The following BRD1 variants were observed in gnomAD, a reference collection of about 807,000 sequenced individuals.
BRD1 encodes the protein bromodomain containing 1.
Under a neutral mutation model 107.7 loss-of-function variants are expected in BRD1, and 24 were observed. That is an observed-to-expected ratio of 0.22 (90% CI 0.16 to 0.31). The LOEUF is 0.31. Among genes scored for constraint, BRD1 ranks in the 10% least tolerant of loss-of-function variants. The pLI, the probability that BRD1 is intolerant of heterozygous loss-of-function variation, is 1.00. For synonymous variants in BRD1, 744 were observed against 686.1 expected (o/e 1.08, Z -1.32); for missense variants, 1,279 against 1,638.6 (o/e 0.78, Z 3.79).
At chr22:49,794,374 T>C (rs1446968597) in intron 6 of BRD1, 80 bp from the exon 7 acceptor site, 4 of 1,524,852 alleles carry the variant, frequency 2.6e-6, no homozygotes, top group Non-Finnish European at 3.5e-6. Flanking sequence ...GTCTTTCAAA[T>C]CACCTTCGGC....
At chr22:49,782,510 T>C (rs1018946028) in intron 8 of BRD1, among the ~76,000 whole-genome samples, 2 of 124,468 alleles carry the variant, frequency 1.6e-5, no homozygotes, top group African/African-American at 6.3e-5. Context: ...TGCTGGGACC[T>C]GCTCCATGAC....
intron 3 of BRD1, among the ~76,000 whole-genome samples, chr22:49,802,048 T>A (rs925701103): frequency 6.6e-6 from 1 of 152,364 alleles, no homozygotes; most frequent in Non-Finnish European, 1.5e-5. Context: ...TACCTGGAGT[T>A]CTGTCCAGCC....
At chr22:49,784,396 G>A (rs911206293) in intron 8 of BRD1, among the ~76,000 whole-genome samples, 10 of 152,234 alleles carry the variant, frequency 6.6e-5, no homozygotes, top group Non-Finnish European at 1.0e-4. Context: ...GTGGAAGGCC[G>A]CTTCAGGTGA....
At chr22:49,817,328 GGCA>G (rs2059972882) in intron 2 of BRD1, 1 of 199,100 alleles carries the variant, frequency 5.0e-6, no homozygotes, top group African/African-American at 2.4e-5. Context: ...AATAAAAAGA[GGCA>G]GCAGAAGGAA....
At chr22:49,777,554 C>A in intron 9 of BRD1, 124 bp downstream of exon 9, 1 of 1,384,022 alleles carries the variant, frequency 7.2e-7, no homozygotes, top group Non-Finnish European at 9.8e-7. Flanking sequence ...CACATGAATC[C>A]CAGGCCAGAA....
At position 49,803,477 on chromosome 22, in the gene BRD1, G is replaced by C. The variant is rs531058304; in HGVS notation, c.1524+727C>G. ...GCAGAGGGCGCTGGCCGCAGGTCCT[G>C]GGCCGTGTGCAGAGCTGCTTGTGTT... On this transcript the variant is annotated intron_variant, in intron 3 of 12. Transcript: ENST00000404760. The surrounding 1 kb of genome is among the most constrained non-coding windows in gnomAD (Gnocchi z 4.4). Among the ~76,000 whole-genome samples, 1 of 152,378 alleles carries C rather than the reference G, an allele frequency of 6.6e-6. No homozygotes were observed. The highest frequency in any genetic ancestry group is 2.1e-4 in the South Asian group (1 of 4,832).
Position 49,823,230 on chromosome 22 carries a change from T to A in BRD1, c.1088A>T (p.Lys363Ile). 6.2e-7 allele frequency: 1 copy of A among 1,614,206 alleles called. No individual in the cohort carries two copies. Among genetic ancestry groups the A allele is most frequent in the Middle Eastern group, 1.6e-4 (1 of 6,062 alleles). ...TCAQKAGLYM[K>I]MEPVKELTGG... ...AGTCAGTTCCTTCACGGGCTCCATT[T>A]TCATGTACAGGCCAGCCTTCTGGGC... The change falls in exon 2 of 13, where the codon AAA becomes ATA. Residue 363 changes from lysine (K) to isoleucine (I), a missense_variant. Around this residue, in one of 7 missense-constraint regions of BRD1, gnomAD observed 158 missense variants for 310.2 expected, o/e 0.51. Coordinates refer to ENST00000404760, the MANE Select transcript of BRD1 (RefSeq NM_001304808.3).
chr22:49,827,308 T>A (rs1253572913), intron 1 of BRD1, among the ~76,000 whole-genome samples, 189 bp downstream of exon 1: 1 of 147,410 alleles, frequency 6.8e-6, no homozygotes, highest in Non-Finnish European at 1.5e-5. Flanking sequence ...CTCCCCGGTC[T>A]CCCCGCCCGG....
At chr22:49,801,283 A>C (rs577989733) in intron 3 of BRD1, among the ~76,000 whole-genome samples, 1 of 152,306 alleles carries the variant, frequency 6.6e-6, no homozygotes, top group Non-Finnish European at 1.5e-5. Flanking sequence ...ACGGCCACAC[A>C]CACCAGAACA....
intron 5 of BRD1, 73 bp downstream of exon 5, chr22:49,798,485 T>C: frequency 1.2e-6 from 2 of 1,611,784 alleles, no homozygotes; most frequent in Non-Finnish European, 1.7e-6. Flanking sequence ...CAATCACACG[T>C]TTCCCGGTCA....
chr22:49,821,797 C>G (rs1184675548), intron 2 of BRD1, among the ~76,000 whole-genome samples: 40 of 152,176 alleles, frequency 2.6e-4, no homozygotes, highest in Admixed American at 2.6e-3. Flanking sequence ...CACTGACCCC[C>G]GGCAGTCCTG....
chr22:49,794,360 T>A, intron 6 of BRD1, 66 bp from the exon 7 acceptor site: 1 of 1,534,756 alleles, frequency 6.5e-7, no homozygotes. Context: ...ACATCACCGG[T>A]CCCGTCTTTC....
At position 49,803,937 on chromosome 22, in the gene BRD1, G is replaced by A. The variant is rs1423221755; in HGVS notation, c.1524+267C>T. Among the ~76,000 whole-genome samples the A allele has an allele frequency of 1.3e-5, 2 of 152,236 alleles. No homozygotes were observed. Among genetic ancestry groups the A allele is most frequent in the Non-Finnish European group, 2.9e-5 (2 of 68,050 alleles). ...CTGGCCACTGCCCATCAGCGTGTGT[G>A]CGGGCAGGGCAGGGCGGGGGAGCGC... On this transcript the variant is annotated intron_variant, in intron 3 of 12. Coordinates refer to ENST00000404760, the MANE Select transcript of BRD1 (RefSeq NM_001304808.3). This position sits in a 1 kb window ranked among gnomAD's most constrained non-coding sequence, Gnocchi z 4.4.
At position 49,783,052 on chromosome 22, in the gene BRD1, G is replaced by C. The variant is rs866061158; in HGVS notation, c.2857+4338C>G. ...CCCAAGGCCCATCGTGCTGGGACTC[G>C]CTCCGTGACAATGCAGCTGGGATGG... On this transcript the variant is annotated intron_variant, in intron 8 of 12. Transcript: ENST00000404760. This position sits in a 1 kb window ranked among gnomAD's most constrained non-coding sequence, Gnocchi z 4.2. Among the ~76,000 whole-genome samples the C allele has an allele frequency of 7.9e-5, 12 of 151,056 alleles. No homozygotes were observed. Among genetic ancestry groups the C allele is most frequent in the African/African-American group, 2.9e-4 (12 of 41,022 alleles).
At chr22:49,785,238 G>A (rs540785591) in intron 8 of BRD1, among the ~76,000 whole-genome samples, 80 of 152,402 alleles carry the variant, frequency 5.2e-4, no homozygotes, top group Admixed American at 3.9e-3. Context: ...AGCTGGGGCA[G>A]GGCCCGGTCA....
At chr22:49,778,684 C>T (rs183631933) in intron 8 of BRD1, among the ~76,000 whole-genome samples, 15 of 151,906 alleles carry the variant, frequency 9.9e-5, no homozygotes, top group African/African-American at 4.8e-5. Context: ...TTTTTTGAGG[C>T]GGAGTCTCAC....
intron 2 of BRD1, among the ~76,000 whole-genome samples, chr22:49,821,818 G>A (rs1244693140): frequency 6.6e-6 from 1 of 152,184 alleles, no homozygotes; most frequent in Admixed American, 6.5e-5. Context: ...GAGGGTCTGT[G>A]TGGTACTGGG....
Position 49,777,693 on chromosome 22 carries a change from G to T in BRD1, c.2978C>A (p.Pro993Gln), listed in dbSNP as rs749277542. The T allele has an allele frequency of 1.7e-5, 28 of 1,607,828 alleles. No individual in the cohort carries two copies. Among genetic ancestry groups the T allele is most frequent in the East Asian group, 4.5e-5 (2 of 44,724 alleles). Residue 993 changes from proline (P) to glutamine (Q), a missense_variant, in exon 9 of 13, where the codon CCG (proline) becomes CAG (glutamine). Physicochemically the swap from Pro to Gln is moderately conservative, Grantham distance 76 (BLOSUM62 -1). Transcript: ENST00000404760. ...SESSISSSNS[P>Q]LCDSSFNAPK... is the part of the protein sequence containing the mutation. ...CGGTGCCCACCTCGAGTCGCAGAGC[G>T]GGCTGTTGCTGGAGGAGATGCTGGA...
intron 11 of BRD1, 88 bp downstream of exon 11, chr22:49,775,962 C>A: frequency 1.7e-6 from 2 of 1,189,576 alleles, no homozygotes; most frequent in Middle Eastern, 2.7e-4. Context: ...CTCCTTGGAC[C>A]ACCGCCGTGA....
Sources: gnomAD v4.1 joint callset for allele counts (sites outside exome capture counted in the v4.1 genomes callset) on GRCh38, gnomAD v4.1.1 for gene constraint, gnomAD v4.1.1 regional missense constraint, Gnocchi (gnomAD v3.1) non-coding constraint, MANE v1.5 for transcripts, NCBI Gene and HGNC (gene_info 2026-07-23, HGNC 2026-07-21) for gene names.